MKRN2: variants seen among roughly 807,000 people sequenced by gnomAD.
The protein encoded by MKRN2 is E3 ubiquitin-protein ligase makorin-2.
Under a neutral mutation model 45.4 loss-of-function variants are expected in MKRN2, and 32 were observed. The observed-to-expected ratio is 0.70, with a 90% CI of 0.53 to 0.95. The LOEUF is 0.95. MKRN2 is among the 40% of genes least tolerant of loss of function. The pLI is 0.00. For missense variants in MKRN2, 526 were observed against 536.7 expected, an observed-to-expected ratio of 0.98 and a Z score of 0.20; for synonymous variants, 206 against 192.4, an observed-to-expected ratio of 1.07 and a Z score of -0.59.
In MKRN2 at chr3:12,580,819, G is replaced by A. The variant is rs573184493; in HGVS notation, c.969-989G>A. On this transcript the variant is annotated intron_variant, in intron 6 of 7. Coordinates refer to ENST00000170447, the MANE Select transcript of MKRN2 (RefSeq NM_014160.5). ...TCAGAGAACTTCACCACCGGCCTGCGGCCATCCCATCTGACAAGACGGAAA... is the reference window on the plus strand; with the variant it reads ...TCAGAGAACTTCACCACCGGCCTGCAGCCATCCCATCTGACAAGACGGAAA... 5.9e-5 allele frequency among the ~76,000 whole-genome samples: 9 copies of A among 152,262 alleles called. No individual in the cohort carries two copies. In the South Asian group the frequency reaches 1.2e-3, roughly 21 times the overall value.
intron 1 of MKRN2, chr3:12,561,064 A>T (rs2058033168): frequency 6.6e-6 from 1 of 152,178 alleles, no homozygotes; most frequent in Non-Finnish European, 1.5e-5. Context: ...CAAAAATAGG[A>T]CTGGGCTGAC....
At chr3:12,557,233 G>T in intron 1 of MKRN2, 57 bp downstream of exon 1, 1 of 1,514,996 alleles carries the variant, frequency 6.6e-7, no homozygotes. Context: ...AGGGGGGCCG[G>T]TGCGCGCCAG....
At chr3:12,558,343 G>A (rs2058001910) in intron 1 of MKRN2, among the ~76,000 whole-genome samples, 1 of 152,136 alleles carries the variant, frequency 6.6e-6, no homozygotes, top group African/African-American at 2.4e-5. Flanking sequence ...TTGTGAAGAC[G>A]GGTTTGTGTG....
intron 1 of MKRN2, among the ~76,000 whole-genome samples, chr3:12,566,079 C>T (rs1350529429): frequency 6.6e-6 from 1 of 152,030 alleles, no homozygotes; most frequent in Non-Finnish European, 1.5e-5. Flanking sequence ...ACCTCAAACT[C>T]CTGGGTTCAA....
At chr3:12,576,936 T>TTTG (rs1190045846) in intron 6 of MKRN2, 195 bp downstream of exon 6, 4 of 194,664 alleles carry the variant, frequency 2.1e-5, no homozygotes, top group East Asian at 1.1e-4. Context: ...TTTTGGTGTT[T>TTTG]TTTTTTTTTT....
chr3:12,581,181 G>C (rs1349028271), intron 6 of MKRN2, among the ~76,000 whole-genome samples: 1 of 152,194 alleles, frequency 6.6e-6, no homozygotes, highest in Non-Finnish European at 1.5e-5. Flanking sequence ...TTTGGTCACT[G>C]TATGCTGTAG....
intron 4 of MKRN2, 104 bp from the exon 5 acceptor site, chr3:12,574,670 GCAGTCGCTGTCAGTGTTC>G: frequency 1.1e-6 from 1 of 915,768 alleles, no homozygotes; most frequent in Admixed American, 2.1e-5. Context: ...TTTGCTCACA[GCAGTCGCTGTCAGTGTTC>G]CTTCCTGATC....
chr3:12,557,104 G>A lies in MKRN2; in HGVS notation c.-47G>A. The A allele has an allele frequency of 2.0e-6, 3 of 1,486,530 alleles. No homozygotes were observed. Among genetic ancestry groups the A allele is most frequent in the Non-Finnish European group, 2.7e-6 (3 of 1,120,658 alleles). 92.1% of individuals were successfully genotyped at this position (1,486,530 alleles called of 1,614,324 possible). ...CCAGGGCCAAGGCCGAGGCGGCAGCGGCTGCGAGAGGCGGCGGCACGACGA... is the reference window on the plus strand; with the variant it reads ...CCAGGGCCAAGGCCGAGGCGGCAGCAGCTGCGAGAGGCGGCGGCACGACGA... On this transcript the variant is annotated 5_prime_UTR_variant, in exon 1 of 8. Coordinates refer to ENST00000170447, the MANE Select transcript of MKRN2 (RefSeq NM_014160.5).
In MKRN2 at chr3:12,574,894, G is replaced by T. The variant is rs748934114; in HGVS notation, c.745G>T (p.Ala249Ser). 3 of 1,614,158 alleles carry T rather than the reference G, an allele frequency of 1.9e-6. No homozygotes were observed. The South Asian group carries it at 3.3e-5, about 18-fold the overall frequency. ...SICMEVILEK[A>S]SASERRFGIL... Reference sequence around the variant, plus strand: ...CTGCATGGAAGTGATCCTGGAGAAGGCCTCTGCTTCTGAGAGGAGATTTGG... The same window carrying T: ...CTGCATGGAAGTGATCCTGGAGAAGTCCTCTGCTTCTGAGAGGAGATTTGG... Residue 249 changes from alanine to serine, a missense_variant, in exon 5 of 8, where the codon GCC becomes TCC. By Grantham distance (99) the Ala-to-Ser change is moderately conservative. Transcript: ENST00000170447.
At position 12,568,886 on chromosome 3, in the gene MKRN2, A is replaced by G. The variant is rs1211449144; in HGVS notation, c.38A>G (p.His13Arg). 6.2e-7 allele frequency: 1 copy of G among 1,613,142 alleles called. No homozygotes were observed. The highest frequency in any genetic ancestry group is 2.2e-5 in the East Asian group (1 of 44,876). The change falls in exon 2 of 8, where the codon CAT (histidine) becomes CGT (arginine). Residue 13 changes from histidine to arginine, a missense_variant. Transcript: ENST00000170447. ...GCTTGTCTCTGCAGGTATTTTATGC[A>G]TGGTGTGTGTCGGGAAGGAAGTCAG... ...TKQITCRYFM[H>R]GVCREGSQCL...
intron 4 of MKRN2, 63 bp from the exon 5 acceptor site, chr3:12,574,729 C>G: frequency 6.9e-6 from 10 of 1,454,362 alleles, no homozygotes; most frequent in Non-Finnish European, 9.6e-6. Context: ...GCAGCTACTC[C>G]TAGGGCTCCT....
intron 2 of MKRN2, among the ~76,000 whole-genome samples, chr3:12,569,474 T>A (rs2058086622): frequency 6.6e-6 from 1 of 152,216 alleles, no homozygotes; most frequent in South Asian, 2.1e-4. Flanking sequence ...TTTCATTTTT[T>A]AAAACTACTT....
intron 5 of MKRN2, 42 bp from the exon 6 acceptor site, chr3:12,576,589 C>T (rs1379482907): frequency 2.8e-6 from 4 of 1,435,846 alleles, no homozygotes; most frequent in African/African-American, 2.8e-5. Context: ...GCCCAGGCTT[C>T]GTAACATGAC....
At chr3:12,578,800 CTA>C (rs887231076) in intron 6 of MKRN2, among the ~76,000 whole-genome samples, 2 of 150,342 alleles carry the variant, frequency 1.3e-5, no homozygotes, top group African/African-American at 2.4e-5. Flanking sequence ...AAAAGTGAAA[CTA>C]TGCATTACCT....
rs2058202836 is a variant in MKRN2 at position 12,583,352 on chromosome 3, TAA to T, written c.*1101_*1102del. 1 of 162,012 alleles carries T rather than the reference TAA, an allele frequency of 6.2e-6. No homozygotes were observed. Among genetic ancestry groups the T allele is most frequent in the Non-Finnish European group, 1.4e-5 (1 of 73,892 alleles). 10.0% of individuals were successfully genotyped at this position (162,012 alleles called of 1,614,324 possible). A position where few individuals can be genotyped will look rare whatever the true frequency, so the allele number is the denominator to read the frequency against. On this transcript the variant is annotated 3_prime_UTR_variant, in exon 8 of 8. Coordinates refer to ENST00000170447, the MANE Select transcript of MKRN2 (RefSeq NM_014160.5). The stretch of plus-strand genomic sequence containing the variant: ...AAAAAAGCTGTACCTACCAAATAAA[TAA>T]ATAGTTTATAAAATGTATTACTTAA...
intron 1 of MKRN2, among the ~76,000 whole-genome samples, chr3:12,564,736 T>A (rs1369018987): frequency 6.6e-6 from 1 of 152,236 alleles, no homozygotes; most frequent in Non-Finnish European, 1.5e-5. Context: ...GACATTTCTA[T>A]CACCCCCAAA....
At position 12,568,872 on chromosome 3, in the gene MKRN2, C is replaced by T. The variant is rs767078292; in HGVS notation, c.27-3C>T. On this transcript the variant is annotated splice_polypyrimidine_tract_variant and splice_region_variant and intron_variant, in intron 1 of 7. Coordinates refer to ENST00000170447, the MANE Select transcript of MKRN2 (RefSeq NM_014160.5). Reference sequence around the variant, plus strand: ...AGTTGTATGCCTGTGCTTGTCTCTGCAGGTATTTTATGCATGGTGTGTGTC... The same window carrying T: ...AGTTGTATGCCTGTGCTTGTCTCTGTAGGTATTTTATGCATGGTGTGTGTC... 17 of 1,611,630 alleles carry T rather than the reference C, an allele frequency of 1.1e-5. No homozygotes were observed. The highest frequency in any genetic ancestry group is 1.3e-5 in the Non-Finnish European group (15 of 1,179,218).
rs765045489 is a variant in MKRN2 at position 12,568,997 on chromosome 3, G to A, written c.149G>A (p.Arg50Gln). 21 of 1,613,694 alleles carry A rather than the reference G, an allele frequency of 1.3e-5. No individual in the cohort carries two copies. Among genetic ancestry groups the A allele is most frequent in the South Asian group, 7.7e-5 (7 of 90,976 alleles). The change falls in exon 2 of 8, where the codon CGG becomes CAG. Residue 50 changes from arginine to glutamine, a missense_variant. By Grantham distance (43) the Arg-to-Gln change is conservative (BLOSUM62 1). Coordinates refer to ENST00000170447, the MANE Select transcript of MKRN2 (RefSeq NM_014160.5). ...YQKGYCAYGT[R>Q]CRYDHTRPSA... ...AAGGGCTACTGTGCCTATGGAACTC[G>A]GTGCAGGCAAGGACTCTGCAACAGA...
At chr3:12,566,912 A>G (rs1287724699) in intron 1 of MKRN2, among the ~76,000 whole-genome samples, 1 of 152,162 alleles carries the variant, frequency 6.6e-6, no homozygotes, top group African/African-American at 2.4e-5. Context: ...ATTTGGTCTT[A>G]TTTAAATCAT....
Sources: allele counts gnomAD v4.1 joint callset (sites outside exome capture counted in the v4.1 genomes callset), GRCh38; gene constraint gnomAD v4.1.1; transcripts MANE v1.5; gene names NCBI Gene and HGNC (gene_info 2026-07-23, HGNC 2026-07-21).